Variants in NTMT2 observed in about 807,000 individuals in gnomAD.
NTMT2 encodes the protein N-terminal Xaa-Pro-Lys N-methyltransferase 2.
In NTMT2, 21 loss-of-function variants were observed where a neutral mutation model predicts 23.4. The ratio of observed to expected loss-of-function variants is 0.90; its 90% CI spans 0.64 to 1.29. The LOEUF (loss-of-function observed/expected upper bound fraction) is 1.29. Ranked by LOEUF, NTMT2 falls within the 50% of genes most tolerant of loss-of-function variation. NTMT2 has a pLI of 0.00. For synonymous variants in NTMT2, 131 were observed against 127.7 expected (o/e 1.03, Z -0.17); for missense variants, 336 against 352.0 (o/e 0.95, Z 0.36).
chr1:170,147,005 C>G (rs1187240235), intron 1 of NTMT2, among the ~76,000 whole-genome samples: 2 of 152,124 alleles, frequency 1.3e-5, no homozygotes, highest in Admixed American at 6.5e-5. Flanking sequence ...ACCCTTCTCC[C>G]TTTGATTTGT....
Position 170,145,968 on chromosome 1 carries a change from A to G in NTMT2, c.-140A>G. The stretch of plus-strand genomic sequence containing the variant: ...GCTGCCCCTCCTCCCCACACCCATG[A>G]CAGCCTGTCCTGATATAGATGGAGA... On this transcript the variant is annotated 5_prime_UTR_variant, in exon 1 of 4. Transcript: ENST00000439373. 2.6e-6 allele frequency: 2 copies of G among 782,020 alleles called. No individual in the cohort carries two copies. The highest frequency in any genetic ancestry group is 3.9e-6 in the Non-Finnish European group (2 of 511,538). The allele number at this position is 782,020 out of a possible 1,614,324, so 48.4% of individuals were successfully genotyped here. A position where few individuals can be genotyped will look rare whatever the true frequency, so the allele number is the denominator to read the frequency against.
intron 2 of NTMT2, among the ~76,000 whole-genome samples, chr1:170,161,292 C>G (rs1237663536): frequency 7.0e-6 from 1 of 142,848 alleles, no homozygotes; most frequent in Non-Finnish European, 1.5e-5. Context: ...GGTGAGACTC[C>G]GTCTAAAAAA....
At chr1:170,149,884 A>C (rs533922983) in intron 1 of NTMT2, among the ~76,000 whole-genome samples, 1 of 152,312 alleles carries the variant, frequency 6.6e-6, no homozygotes, top group East Asian at 1.9e-4. Flanking sequence ...TTAATTCAAA[A>C]TATGAGAGTT....
chr1:170,163,072 A>G (rs2102240434), intron 2 of NTMT2, among the ~76,000 whole-genome samples: 1 of 152,276 alleles, frequency 6.6e-6, no homozygotes, highest in East Asian at 1.9e-4. Flanking sequence ...CTGGTCAGAC[A>G]GAGCCCATAA....
Position 170,160,617 on chromosome 1 carries a change from G to C in NTMT2, c.254G>C (p.Gly85Ala). 6.4e-7 allele frequency: 1 copy of C among 1,551,686 alleles called. No homozygotes were observed. The highest frequency in any genetic ancestry group is 8.7e-7 in the Non-Finnish European group (1 of 1,146,968). The change falls in exon 2 of 4, where the codon GGT (glycine) becomes GCT (alanine). Residue 85 changes from glycine (G) to alanine (A), a missense_variant. Transcript: ENST00000439373. ...CAAGAAGTACCAGCCACAGAAGAGG[G>C]TATGATGGGAAATTTCATTGAACTG... ...FYQEVPATEEGMMGNFIELSS... is the reference protein window; with the variant it reads ...FYQEVPATEEAMMGNFIELSS...
At chr1:170,146,765 T>A (rs1672971610) in intron 1 of NTMT2, among the ~76,000 whole-genome samples, 2 of 152,192 alleles carry the variant, frequency 1.3e-5, no homozygotes, top group Non-Finnish European at 2.9e-5. Context: ...ACAAGAATAG[T>A]CAGAGAGCCT....
At chr1:170,161,610 T>C (rs1224569168) in intron 2 of NTMT2, 1 of 152,178 alleles carries the variant, frequency 6.6e-6, no homozygotes, top group Non-Finnish European at 1.5e-5. Context: ...GACTAGGGCA[T>C]GACAATAGAA....
chr1:170,161,159 C>T (rs373078613), intron 2 of NTMT2, among the ~76,000 whole-genome samples: 6 of 151,812 alleles, frequency 4.0e-5, no homozygotes, highest in African/African-American at 9.7e-5. Context: ...ATTAGCTGGG[C>T]GTGGTGGCGG....
rs956790871 is a variant in NTMT2, at chr1:170,160,501, T to C, written c.155-17T>C. ...TCTTATAAATATTAATACCTATTAA[T>C]AATGTTTCATTTGCAGTGAAATTGT... On this transcript the variant is annotated splice_polypyrimidine_tract_variant and intron_variant, in intron 1 of 3. Transcript: ENST00000439373. 1.3e-6 allele frequency: 2 copies of C among 1,506,052 alleles called. No homozygotes were observed. The highest frequency in any genetic ancestry group is 1.8e-6 in the Non-Finnish European group (2 of 1,129,618). The allele number at this position is 1,506,052 out of a possible 1,614,324, so 93.3% of individuals were successfully genotyped here.
At chr1:170,159,189 G>A (rs1251223889) in intron 1 of NTMT2, among the ~76,000 whole-genome samples, 2 of 152,116 alleles carry the variant, frequency 1.3e-5, no homozygotes, top group Non-Finnish European at 2.9e-5. Context: ...CTGATGAGTG[G>A]GAGTAAGTGA....
rs1447824183 is a variant in NTMT2, at chr1:170,146,107, C to G, written c.-1C>G. The G allele has an allele frequency of 1.9e-6, 3 of 1,550,926 alleles. No individual in the cohort carries two copies. The South Asian group carries it at 3.6e-5, about 18-fold the overall frequency. On this transcript the variant is annotated 5_prime_UTR_variant, in exon 1 of 4. Coordinates refer to ENST00000439373, the MANE Select transcript of NTMT2 (RefSeq NM_001136107.2). ...AGGAATCATTATTATCCCCCTTTGTCATGGCCCACCGGGGAGCCCATTTTG... is the reference window on the plus strand; with the variant it reads ...AGGAATCATTATTATCCCCCTTTGTGATGGCCCACCGGGGAGCCCATTTTG...
chr1:170,153,037 C>T (rs1673100703), intron 1 of NTMT2, among the ~76,000 whole-genome samples: 1 of 152,062 alleles, frequency 6.6e-6, no homozygotes. Flanking sequence ...GGCACTTCAC[C>T]CCACCTTTTA....
chr1:170,164,555 T>C (rs549166768), intron 2 of NTMT2, among the ~76,000 whole-genome samples: 4 of 152,348 alleles, frequency 2.6e-5, no homozygotes, highest in Admixed American at 2.6e-4. Context: ...TGTGGCATAG[T>C]GTAAGTAAAA....
chr1:170,154,963 G>A (rs555691451), intron 1 of NTMT2, among the ~76,000 whole-genome samples: 20 of 152,212 alleles, frequency 1.3e-4, no homozygotes, highest in Non-Finnish European at 2.5e-4. Context: ...TCCTCTTTGT[G>A]ACTGAGTTCT....
intron 1 of NTMT2, among the ~76,000 whole-genome samples, chr1:170,159,420 G>GTTTTTTTTTT (rs1673225599): frequency 3.4e-5 from 3 of 88,222 alleles, no homozygotes; most frequent in African/African-American, 4.3e-5. Context: ...TTTATGCTCT[G>GTTTTTTTTTT]GTTTTTTTTT....
chr1:170,156,192 T>C (rs1571821059), intron 1 of NTMT2, among the ~76,000 whole-genome samples: 1 of 152,180 alleles, frequency 6.6e-6, no homozygotes, highest in Non-Finnish European at 1.5e-5. Flanking sequence ...CTTGCAGGCA[T>C]CTGCTGCATG....
chr1:170,167,663 G>A lies in NTMT2; in HGVS notation c.758G>A (p.Gly253Glu). The change falls in exon 4 of 4, where the codon GGG becomes GAG. Residue 253 changes from glycine to glutamate, a missense_variant. By Grantham distance (98) the Gly-to-Glu change is moderately conservative. Coordinates refer to ENST00000439373, the MANE Select transcript of NTMT2 (RefSeq NM_001136107.2). The stretch of plus-strand genomic sequence containing the variant: ...CTCCGGAGCCTAATAAGGAAGAGTG[G>A]GCTGGTGGTGCTGGGCCAGGAGAAG... The part of the protein sequence containing the change: ...DILRSLIRKS[G>E]LVVLGQEKQD... The A allele has an allele frequency of 6.4e-7, 1 of 1,551,634 alleles. No homozygotes were observed. The highest frequency in any genetic ancestry group is 8.7e-7 in the Non-Finnish European group (1 of 1,146,986).
chr1:170,158,132 A>T (rs1239316446), intron 1 of NTMT2: 1 of 152,136 alleles, frequency 6.6e-6, no homozygotes, highest in South Asian at 2.1e-4. Context: ...ATATTCTATA[A>T]TAATTTGACT....
intron 1 of NTMT2, among the ~76,000 whole-genome samples, chr1:170,154,083 A>T (rs1673119436): frequency 6.6e-6 from 1 of 152,164 alleles, no homozygotes. Context: ...ACCCAGGTAC[A>T]GCTGAGGCAT....
Sources: gnomAD v4.1 joint callset for allele counts (sites outside exome capture counted in the v4.1 genomes callset) on GRCh38, gnomAD v4.1.1 for gene constraint, MANE v1.5 for transcripts, NCBI Gene and HGNC (gene_info 2026-07-23, HGNC 2026-07-21) for gene names.